The following PTPRS variants were observed in gnomAD, a reference collection of about 807,000 sequenced individuals.
The protein encoded by PTPRS is protein tyrosine phosphatase receptor type S, also known as receptor-type tyrosine-protein phosphatase S.
In PTPRS, 63 loss-of-function variants were observed where a neutral mutation model predicts 215.3. The observed-to-expected ratio is 0.29, with a 90% CI of 0.24 to 0.36. The LOEUF is 0.36. PTPRS is among the 10% of genes least tolerant of loss of function. The probability of loss-of-function intolerance (pLI) is 1.00; values close to 1 mark genes in which losing one functional copy is unlikely to be tolerated. For synonymous variants in PTPRS, 1,404 were observed against 1,191.4 expected (o/e 1.18, Z -3.68); for missense variants, 2,258 against 2,825.8 (o/e 0.80, Z 4.56).
chr19:5,319,866 C>A (rs972264436), intron 1 of PTPRS, among the ~76,000 whole-genome samples: 2 of 152,054 alleles, frequency 1.3e-5, no homozygotes, highest in Non-Finnish European at 2.9e-5. Flanking sequence ...AAAATGACAA[C>A]CCTCATGCCT....
chr19:5,312,226 A>G (rs2049729737), intron 1 of PTPRS, among the ~76,000 whole-genome samples: 1 of 152,164 alleles, frequency 6.6e-6, no homozygotes. Flanking sequence ...AAAAGAATGC[A>G]TAGTACGCAG....
rs1356590597 is a variant in PTPRS at position 5,293,246 on chromosome 19, A to G, written c.-94-7012T>C. 1.4e-5 allele frequency: 2 copies of G among 146,096 alleles called. No homozygotes were observed. The highest frequency in any genetic ancestry group is 3.0e-5 in the Non-Finnish European group (2 of 66,400). 9.0% of individuals were successfully genotyped at this position (146,096 alleles called of 1,614,324 possible). ...GCCCGGAGCGCGGCGCGCAGCGAAG[A>G]CTCGGGAGAGGCCTCGGCCTGGGGA... On this transcript the variant is annotated intron_variant, in intron 1 of 37. Transcript: ENST00000262963. This position sits in a 1 kb window ranked among gnomAD's most constrained non-coding sequence, Gnocchi z 8.4.
chr19:5,230,475 T>G (rs757998265), intron 14 of PTPRS, among the ~76,000 whole-genome samples: 2 of 152,108 alleles, frequency 1.3e-5, no homozygotes, highest in South Asian at 2.1e-4. Context: ...TACGTTTTTG[T>G]AGAGATGGGG....
chr19:5,316,889 T>C (rs1163997357), intron 1 of PTPRS, among the ~76,000 whole-genome samples: 1 of 152,186 alleles, frequency 6.6e-6, no homozygotes, highest in Non-Finnish European at 1.5e-5. Flanking sequence ...GCACTGTTGC[T>C]TGCACTCCCA....
At chr19:5,213,382 A>G (rs1300770945) in intron 30 of PTPRS, among the ~76,000 whole-genome samples, 2 of 77,852 alleles carry the variant, frequency 2.6e-5, no homozygotes, top group African/African-American at 7.5e-5. Flanking sequence ...GTCCTGCCCC[A>G]GGGCCTCTGC....
intron 19 of PTPRS, 81 bp downstream of exon 19, chr19:5,222,042 C>T: frequency 8.3e-7 from 1 of 1,199,264 alleles, no homozygotes; most frequent in South Asian, 1.2e-5. Flanking sequence ...TTCACACCAA[C>T]TCCAAACTGA....
In PTPRS at chr19:5,339,638, G is replaced by A. The variant is rs901064590; in HGVS notation, c.-95+1026C>T. 5.3e-5 allele frequency among the ~76,000 whole-genome samples: 8 copies of A among 152,028 alleles called. No homozygotes were observed. The highest frequency in any genetic ancestry group is 7.4e-5 in the Non-Finnish European group (5 of 67,960). Reference sequence around the variant, plus strand: ...AGAGAGGTGAACTTGGCCGCAACCTGGCCGAACCCTCGCACCCACGGCGCG... The same window carrying A: ...AGAGAGGTGAACTTGGCCGCAACCTAGCCGAACCCTCGCACCCACGGCGCG... On this transcript the variant is annotated intron_variant, in intron 1 of 37. Coordinates refer to ENST00000262963, the MANE Select transcript of PTPRS (RefSeq NM_002850.4). The surrounding 1 kb of genome is among the most constrained non-coding windows in gnomAD (Gnocchi z 4.2).
chr19:5,308,544 G>T (rs888793598), intron 1 of PTPRS, among the ~76,000 whole-genome samples: 1 of 152,168 alleles, frequency 6.6e-6, no homozygotes, highest in Non-Finnish European at 1.5e-5. Flanking sequence ...GGCTGGTGGT[G>T]AGCATCGAGT....
intron 1 of PTPRS, among the ~76,000 whole-genome samples, chr19:5,289,498 C>G (rs947701226): frequency 6.6e-6 from 1 of 152,206 alleles, no homozygotes; most frequent in Non-Finnish European, 1.5e-5. Context: ...TGGCTCCCAC[C>G]TGCCTCGGGG....
rs183690725 is a variant in PTPRS at position 5,236,930 on chromosome 19, G to A, written c.1849+1989C>T. On this transcript the variant is annotated intron_variant, in intron 13 of 37. Transcript: ENST00000262963. ...AGAAAGGGGGAGAAAAAATAAAACCGAAACCATAATAAAATAAGAAACAAC... is the reference window on the plus strand; with the variant it reads ...AGAAAGGGGGAGAAAAAATAAAACCAAAACCATAATAAAATAAGAAACAAC... Among the ~76,000 whole-genome samples the A allele has an allele frequency of 7.6e-3, 1,140 of 150,890 alleles. 12 individuals carry two copies. Among genetic ancestry groups the A allele is most frequent in the Middle Eastern group, 0.014 (4 of 286 alleles).
At position 5,222,876 on chromosome 19, in the gene PTPRS, G is replaced by T. The variant is rs77694034; in HGVS notation, c.2916C>A (p.Ala972=). 5 of 1,580,600 alleles carry T rather than the reference G, an allele frequency of 3.2e-6. No individual in the cohort carries two copies. The highest frequency in any genetic ancestry group is 2.3e-5 in the East Asian group (1 of 43,784). Reference sequence around the variant, plus strand: ...TCTCTCGGGCAGGGCCCAGGGCACCGGCCTCCCGCACGGCCACCGTGTATT... The same window carrying T: ...TCTCTCGGGCAGGGCCCAGGGCACCTGCCTCCCGCACGGCCACCGTGTATT... ...IVKYTVAVRE[A]GALGPARETE... is the part of the protein sequence containing the mutation. Residue 972 remains alanine (A), a synonymous_variant, in exon 18 of 38, where the codon GCC becomes GCA. Coordinates refer to ENST00000262963, the MANE Select transcript of PTPRS (RefSeq NM_002850.4).
At chr19:5,234,700 AGG>A (rs1246662041) in intron 13 of PTPRS, among the ~76,000 whole-genome samples, 2 of 152,120 alleles carry the variant, frequency 1.3e-5, no homozygotes, top group African/African-American at 4.8e-5. Flanking sequence ...CACTGTGCTA[AGG>A]GCTGTATCAG....
At chr19:5,334,601 AGTCAAGAGCCCTGGGGTGT>A (rs2050433436) in intron 1 of PTPRS, among the ~76,000 whole-genome samples, 1 of 152,218 alleles carries the variant, frequency 6.6e-6, no homozygotes, top group South Asian at 2.1e-4. Context: ...GAGAAAAGGC[AGTCAAGAGCCCTGGGGTGT>A]GTGTGTGCGG....
At chr19:5,305,494 C>CTATA (rs1478864361) in intron 1 of PTPRS, among the ~76,000 whole-genome samples, 1 of 151,902 alleles carries the variant, frequency 6.6e-6, no homozygotes, top group Non-Finnish European at 1.5e-5. Context: ...CTGCAGTGAG[C>CTATA]TATAATAGTG....
intron 12 of PTPRS, 101 bp from the exon 13 acceptor site, chr19:5,239,164 G>GGA (rs36138461): frequency 0.32 from 137,241 of 425,996 alleles, 13,585 homozygotes; most frequent in African/African-American, 0.61. Context: ...GGGGGGAGGG[G>GGA]GAGAGAGAGA....
chr19:5,340,070 G>A (rs966013677), intron 1 of PTPRS, among the ~76,000 whole-genome samples: 3 of 151,776 alleles, frequency 2.0e-5, no homozygotes, highest in Admixed American at 1.3e-4. Flanking sequence ...TAGACTAGGG[G>A]GTCTCCAGGG....
chr19:5,293,151 G>A lies in PTPRS; in HGVS notation c.-94-6917C>T, dbSNP rs2147023659. Reference sequence around the variant, plus strand: ...CCCGGGCGCACTCACCCCGCGGCTCGGAGATCGGGCCCAGGCCCCGCGAGG... The same window carrying A: ...CCCGGGCGCACTCACCCCGCGGCTCAGAGATCGGGCCCAGGCCCCGCGAGG... On this transcript the variant is annotated intron_variant, in intron 1 of 37. Transcript: ENST00000262963. The surrounding 1 kb of genome is among the most constrained non-coding windows in gnomAD (Gnocchi z 8.4). The A allele has an allele frequency of 6.6e-6, 1 of 151,802 alleles. No individual in the cohort carries two copies. Among genetic ancestry groups the A allele is most frequent in the East Asian group, 2.0e-4 (1 of 5,096 alleles). 9.4% of individuals were successfully genotyped at this position (151,802 alleles called of 1,614,324 possible).
At chr19:5,260,771 G>C (rs1291589593) in intron 7 of PTPRS, 34 bp downstream of exon 7, 1 of 1,613,170 alleles carries the variant, frequency 6.2e-7, no homozygotes, top group South Asian at 1.1e-5. Context: ...GCAAGAGCGA[G>C]CGTGAGTGGG....
rs370567160 is a variant in PTPRS, at chr19:5,214,488, G to C, written c.4495-8C>G. 2.5e-6 allele frequency: 4 copies of C among 1,613,906 alleles called. No individual in the cohort carries two copies. Among genetic ancestry groups the C allele is most frequent in the African/African-American group, 2.7e-5 (2 of 74,930 alleles). On this transcript the variant is annotated splice_polypyrimidine_tract_variant and splice_region_variant and intron_variant, in intron 29 of 37. Coordinates refer to ENST00000262963, the MANE Select transcript of PTPRS (RefSeq NM_002850.4). ...ATACTGATCACACTTGATCTGTATC[G>C]GGCAAGAGAACAGGTGTCAGCAGGG...
Sources: allele counts gnomAD v4.1 joint callset (sites outside exome capture counted in the v4.1 genomes callset), GRCh38; gene constraint gnomAD v4.1.1; non-coding constraint Gnocchi (gnomAD v3.1); transcripts MANE v1.5; gene names NCBI Gene and HGNC (gene_info 2026-07-23, HGNC 2026-07-21).